Variants in MYO7A observed in about 807,000 individuals in gnomAD.
MYO7A encodes unconventional myosin-VIIa.
A neutral mutation model predicts 263.8 loss-of-function variants in MYO7A; 210 were observed. That is an observed-to-expected ratio of 0.80 (90% CI 0.71 to 0.89). The LOEUF (loss-of-function observed/expected upper bound fraction) is 0.89. MYO7A is among the 40% of genes least tolerant of loss of function. The probability of loss-of-function intolerance (pLI) is 0.00; values close to 1 mark genes in which losing one functional copy is unlikely to be tolerated. For missense variants in MYO7A, 2,820 were observed against 2,968.3 expected (o/e 0.95, Z 1.16); for synonymous variants, 1,239 against 1,197.3 (o/e 1.03, Z -0.72).
chr11:77,192,979 T>TGTTG lies in MYO7A; in HGVS notation c.4152+703_4152+704insTGGT, dbSNP rs763266242. Among the ~76,000 whole-genome samples, 125 of 12,796 alleles carry TGTTG rather than the reference T, an allele frequency of 9.8e-3. 3 individuals carry two copies. The highest frequency in any genetic ancestry group is 0.061 in the African/African-American group (112 of 1,848). 8.4% of individuals were successfully genotyped at this position (12,796 alleles called of 152,430 possible). On this transcript the variant is annotated intron_variant, in intron 31 of 48. Coordinates refer to ENST00000409709, the MANE Select transcript of MYO7A (RefSeq NM_000260.4). ...TGGTGTTGGTGATGGTGGAGGTAGT[T>TGTTG]GTGATGGTGGAGGTAGTGATGCTGT...
intron 3 of MYO7A, 50 bp from the exon 4 acceptor site, chr11:77,147,748 T>C: frequency 6.3e-7 from 1 of 1,592,856 alleles, no homozygotes; most frequent in Non-Finnish European, 8.5e-7. Context: ...TCCCCTGAAG[T>C]GCGCAGCCTG....
At chr11:77,196,141 G>A (rs1308615994) in intron 32 of MYO7A, among the ~76,000 whole-genome samples, 1 of 152,246 alleles carries the variant, frequency 6.6e-6, no homozygotes, top group Non-Finnish European at 1.5e-5. Flanking sequence ...GGCCAAGGCG[G>A]GCGGATCATG....
intron 45 of MYO7A, among the ~76,000 whole-genome samples, 169 bp downstream of exon 45, chr11:77,211,506 C>T (rs931971984): frequency 2.0e-5 from 3 of 152,194 alleles, no homozygotes; most frequent in African/African-American, 7.2e-5. Flanking sequence ...ATCCTTCAGT[C>T]CTCCATGCCA....
rs1303285070 is a variant in MYO7A at position 77,138,984 on chromosome 11, A to C, written c.19-3725A>C. Reference sequence around the variant, plus strand: ...CCCCAGGCCTGGTCCCAGAGGAAGGAAGAGGCAGAAAGGGCTAAGGCCCTG... The same window carrying C: ...CCCCAGGCCTGGTCCCAGAGGAAGGCAGAGGCAGAAAGGGCTAAGGCCCTG... On this transcript the variant is annotated intron_variant, in intron 2 of 48. Coordinates refer to ENST00000409709, the MANE Select transcript of MYO7A (RefSeq NM_000260.4). This position sits in a 1 kb window ranked among gnomAD's most constrained non-coding sequence, Gnocchi z 4.9. Among the ~76,000 whole-genome samples, 1 of 152,206 alleles carries C rather than the reference A, an allele frequency of 6.6e-6. No homozygotes were observed. The highest frequency in any genetic ancestry group is 1.5e-5 in the Non-Finnish European group (1 of 68,034).
intron 4 of MYO7A, among the ~76,000 whole-genome samples, 163 bp downstream of exon 4, chr11:77,148,113 C>T (rs1182121786): frequency 6.6e-6 from 1 of 152,206 alleles, no homozygotes; most frequent in Admixed American, 6.5e-5. Context: ...TGCTGGGGCC[C>T]ATCTGCCGGC....
intron 14 of MYO7A, among the ~76,000 whole-genome samples, chr11:77,163,716 T>C (rs1953238586): frequency 6.8e-6 from 1 of 146,944 alleles, no homozygotes; most frequent in African/African-American, 2.7e-5. Flanking sequence ...TTCAGCGTAA[T>C]GTCTTTAATT....
In MYO7A at chr11:77,211,216, C is replaced by T. The variant is rs867558819; in HGVS notation, c.6116C>T (p.Ala2039Val). 19 of 1,591,500 alleles carry T rather than the reference C, an allele frequency of 1.2e-5. No individual in the cohort carries two copies. The highest frequency in any genetic ancestry group is 2.7e-5 in the African/African-American group (2 of 74,632). Residue 2039 changes from alanine (A) to valine (V), a missense_variant, in exon 45 of 49, where the codon GCG becomes GTG. Coordinates refer to ENST00000409709, the MANE Select transcript of MYO7A (RefSeq NM_000260.4). ...CTREEVLQLG[A>V]LIYRVKFEED... is the part of the protein sequence containing the mutation. Reference sequence around the variant, plus strand: ...CGGGAGGAGGTGCTGCAGCTGGGGGCGCTGATCTACAGGGTCAAGTTCGAG... The same window carrying T: ...CGGGAGGAGGTGCTGCAGCTGGGGGTGCTGATCTACAGGGTCAAGTTCGAG...
intron 9 of MYO7A, 44 bp from the exon 10 acceptor site, chr11:77,159,403 G>GGCCCCCCCCCCCCC: frequency 1.4e-6 from 1 of 711,722 alleles, no homozygotes. Flanking sequence ...TGCCCCTGTT[G>GGCCCCCCCCCCCCC]CCCACCCTCC....
chr11:77,140,099 C>T (rs1179405329), intron 2 of MYO7A, among the ~76,000 whole-genome samples: 3 of 152,172 alleles, frequency 2.0e-5, no homozygotes, highest in East Asian at 1.9e-4. Flanking sequence ...CTCAGCCTCT[C>T]GGAATCTCCA....
intron 37 of MYO7A, 38 bp downstream of exon 37, chr11:77,202,462 A>G (rs944708319): frequency 1.1e-5 from 17 of 1,540,744 alleles, no homozygotes; most frequent in Non-Finnish European, 1.3e-5. Context: ...CCACAGGGCT[A>G]GGAGCTGCAG....
At position 77,192,181 on chromosome 11, in the gene MYO7A, C is replaced by T. The variant is rs754971234; in HGVS notation, c.4055C>T (p.Thr1352Met). Residue 1352 changes from threonine to methionine, a missense_variant, in exon 31 of 49, where the codon ACG (threonine) becomes ATG (methionine). Physicochemically the swap from Thr to Met is moderately conservative, Grantham distance 81. Transcript: ENST00000409709. ...CTCTTCTTCCGCAAAGAGGTCTTCA[C>T]GCCCTGGCACAGCCCCTCCGAGGAC... ...WRLFFRKEVFTPWHSPSEDNV... is the reference protein window; with the variant it reads ...WRLFFRKEVFMPWHSPSEDNV... 38 of 1,613,926 alleles carry T rather than the reference C, an allele frequency of 2.4e-5. No individual in the cohort carries two copies. Among genetic ancestry groups the T allele is most frequent in the Admixed American group, 8.3e-5 (5 of 60,014 alleles).
chr11:77,132,497 G>GTGTT (rs1232747005), intron 2 of MYO7A, among the ~76,000 whole-genome samples: 1 of 152,064 alleles, frequency 6.6e-6, no homozygotes, highest in Non-Finnish European at 1.5e-5. Flanking sequence ...GTTTGTGTGT[G>GTGTT]TGTTTGTTTT....
At chr11:77,205,348 G>A (rs1957372791) in intron 39 of MYO7A, 114 bp from the exon 40 acceptor site, 13 of 1,243,318 alleles carry the variant, frequency 1.0e-5, no homozygotes, top group Non-Finnish European at 1.3e-5. Flanking sequence ...CAGGAGGGAC[G>A]GTGCTGCTGT....
intron 31 of MYO7A, among the ~76,000 whole-genome samples, chr11:77,193,005 TG>T (rs1956273450): frequency 7.0e-6 from 1 of 143,850 alleles, no homozygotes; most frequent in East Asian, 2.1e-4. Flanking sequence ...GTGATGCTGT[TG>T]GTGATGGTGG....
chr11:77,177,561 A>G lies in MYO7A; in HGVS notation c.2200A>G (p.Met734Val), dbSNP rs1954750095. 6.2e-7 allele frequency: 1 copy of G among 1,611,158 alleles called. No individual in the cohort carries two copies. The highest frequency in any genetic ancestry group is 8.5e-7 in the Non-Finnish European group (1 of 1,179,018). Reference protein sequence around the residue: ...TKIFLKDHHDMLLEVERDKAI... With the variant: ...TKIFLKDHHDVLLEVERDKAI... The stretch of plus-strand genomic sequence containing the variant: ...CTCTGCCTCCTAGGACCACCATGAC[A>G]TGCTGCTGGAAGTGGAGCGGGACAA... The change falls in exon 19 of 49, where the codon ATG becomes GTG. Residue 734 changes from methionine (M) to valine (V), a missense_variant. Physicochemically the swap from Met to Val is conservative, Grantham distance 21. Coordinates refer to ENST00000409709, the MANE Select transcript of MYO7A (RefSeq NM_000260.4).
At chr11:77,191,003 T>C in intron 30 of MYO7A, 133 bp downstream of exon 30, 2 of 1,069,922 alleles carry the variant, frequency 1.9e-6, no homozygotes, top group East Asian at 2.6e-5. Flanking sequence ...CCTGTGCTAA[T>C]TGGCTCTGCC....
intron 28 of MYO7A, 31 bp from the exon 29 acceptor site, chr11:77,189,989 G>A: frequency 6.7e-7 from 1 of 1,496,268 alleles, no homozygotes; most frequent in Non-Finnish European, 8.9e-7. Context: ...GGGAGCCCCA[G>A]GGGCCGCCTC....
chr11:77,211,396 A>AG (rs36002242), intron 45 of MYO7A, 59 bp downstream of exon 45: 1 of 1,496,974 alleles, frequency 6.7e-7, no homozygotes, highest in Admixed American at 2.0e-5. Flanking sequence ...GGGGCACCCC[A>AG]GGGGCCAAGG....
intron 2 of MYO7A, among the ~76,000 whole-genome samples, chr11:77,134,903 G>T (rs184148042): frequency 9.9e-5 from 15 of 151,000 alleles, no homozygotes; most frequent in African/African-American, 3.7e-4. Context: ...TCCTGCCTCA[G>T]CCTCCTGAGT....
Sources: allele counts gnomAD v4.1 joint callset (sites outside exome capture counted in the v4.1 genomes callset), GRCh38; gene constraint gnomAD v4.1.1; non-coding constraint Gnocchi (gnomAD v3.1); transcripts MANE v1.5; gene names NCBI Gene and HGNC (gene_info 2026-07-23, HGNC 2026-07-21).